Variants in PPP2R2B observed in about 807,000 individuals in gnomAD.
PPP2R2B encodes serine/threonine-protein phosphatase 2A 55 kDa regulatory subunit B beta isoform.
A neutral mutation model predicts 46.0 loss-of-function variants in PPP2R2B; 5 were observed. The ratio of observed to expected loss-of-function variants is 0.11; its 90% CI spans 0.06 to 0.23. The LOEUF is 0.23. Ranked by LOEUF, PPP2R2B falls within the 10% of genes least tolerant of loss-of-function variation. The pLI is 1.00. For synonymous variants in PPP2R2B, 215 were observed against 206.7 expected (o/e 1.04, Z -0.34); for missense variants, 367 against 575.0 (o/e 0.64, Z 3.70).
At chr5:146,971,941 C>A (rs1323517050) in intron 1 of PPP2R2B, among the ~76,000 whole-genome samples, 1 of 152,156 alleles carries the variant, frequency 6.6e-6, no homozygotes. Flanking sequence ...CAAAACTAAG[C>A]AACTAACATT....
At position 146,735,333 on chromosome 5, in the gene PPP2R2B, C is replaced by G. The variant is rs369124852; in HGVS notation, c.71-34191G>C. ...AGTCCCCTCCCACCAAAACCCCCCC[C>G]ACAATCCTTCTACTCTCTTCTCCCA... On this transcript the variant is annotated intron_variant, in intron 2 of 9. Coordinates refer to ENST00000394411, the MANE Select transcript of PPP2R2B (RefSeq NM_181675.4). Among the ~76,000 whole-genome samples the G allele has an allele frequency of 3.9e-5, 6 of 151,968 alleles. No individual in the cohort carries two copies. The East Asian group carries it at 5.8e-4, about 15-fold the overall frequency.
chr5:146,962,659 A>C (rs1198748657), intron 1 of PPP2R2B, among the ~76,000 whole-genome samples: 1 of 152,108 alleles, frequency 6.6e-6, no homozygotes, highest in Non-Finnish European at 1.5e-5. Context: ...ATAAAAAAAA[A>C]ACAACCTTAA....
At chr5:146,861,116 C>T (rs978180561) in intron 2 of PPP2R2B, among the ~76,000 whole-genome samples, 1 of 141,518 alleles carries the variant, frequency 7.1e-6, no homozygotes, top group Non-Finnish European at 1.5e-5. Flanking sequence ...AGTGCAGTGG[C>T]GCGATCTCGG....
intron 7 of PPP2R2B, among the ~76,000 whole-genome samples, chr5:146,634,784 C>CA (rs1561790769): frequency 5.3e-5 from 8 of 151,394 alleles, no homozygotes; most frequent in African/African-American, 1.5e-4. Flanking sequence ...ACACACACAC[C>CA]CCCTACTGGT....
chr5:146,771,224 A>G lies in PPP2R2B; in HGVS notation c.71-70082T>C, dbSNP rs1227438579. On this transcript the variant is annotated intron_variant, in intron 2 of 9. Transcript: ENST00000394411. ...CTCTCATCAGTGGCCAAGAAGACTG[A>G]ATGAGCAGTGAAATACCTCTTTGAT... Among the ~76,000 whole-genome samples the G allele has an allele frequency of 2.0e-5, 3 of 152,316 alleles. No individual in the cohort carries two copies. In the East Asian group the frequency reaches 5.8e-4, roughly 29 times the overall value.
chr5:146,774,152 T>A (rs956330004), intron 2 of PPP2R2B, among the ~76,000 whole-genome samples: 1 of 152,196 alleles, frequency 6.6e-6, no homozygotes, highest in East Asian at 1.9e-4. Flanking sequence ...ATGACTTAAC[T>A]GCTTTGTGTT....
chr5:146,752,303 G>GA (rs890233638), intron 2 of PPP2R2B, among the ~76,000 whole-genome samples: 12 of 151,876 alleles, frequency 7.9e-5, no homozygotes, highest in Admixed American at 2.6e-4. Flanking sequence ...TTATTGAGAT[G>GA]AAAAAAAGCA....
intron 5 of PPP2R2B, among the ~76,000 whole-genome samples, chr5:146,681,009 G>C (rs984983572): frequency 6.6e-6 from 1 of 152,080 alleles, no homozygotes; most frequent in Non-Finnish European, 1.5e-5. Flanking sequence ...ACTACCCCTA[G>C]GGAAATATTT....
At chr5:146,792,441 T>TG (rs1376192397) in intron 2 of PPP2R2B, among the ~76,000 whole-genome samples, 1 of 152,138 alleles carries the variant, frequency 6.6e-6, no homozygotes, top group East Asian at 1.9e-4. Flanking sequence ...CCTAGGATGT[T>TG]GGGGGTATAA....
intron 1 of PPP2R2B, among the ~76,000 whole-genome samples, chr5:146,921,621 A>C (rs1381310707): frequency 3.9e-5 from 6 of 152,238 alleles, no homozygotes; most frequent in Non-Finnish European, 8.8e-5. Context: ...CTGCATGTAA[A>C]ATACATATTG....
At chr5:146,620,458 C>A (rs911837392) in intron 7 of PPP2R2B, among the ~76,000 whole-genome samples, 2 of 152,162 alleles carry the variant, frequency 1.3e-5, no homozygotes, top group Non-Finnish European at 2.9e-5. Flanking sequence ...GCAGTCCAGA[C>A]AAGATGATGA....
At chr5:146,599,432 A>G (rs947020294) in intron 8 of PPP2R2B, among the ~76,000 whole-genome samples, 1 of 152,220 alleles carries the variant, frequency 6.6e-6, no homozygotes, top group Non-Finnish European at 1.5e-5. Flanking sequence ...CACAGTAAAA[A>G]GTAAAACTCA....
intron 5 of PPP2R2B, among the ~76,000 whole-genome samples, chr5:146,669,496 T>G (rs536273): frequency 6.6e-6 from 1 of 151,852 alleles, no homozygotes; most frequent in Admixed American, 6.6e-5. Context: ...TCCTATATAT[T>G]TATATGTATA....
chr5:146,745,038 A>C (rs1474987066), intron 2 of PPP2R2B, among the ~76,000 whole-genome samples: 1 of 152,124 alleles, frequency 6.6e-6, no homozygotes, highest in Non-Finnish European at 1.5e-5. Flanking sequence ...TAGATAATTG[A>C]CCAAAACCCT....
intron 2 of PPP2R2B, among the ~76,000 whole-genome samples, chr5:146,781,958 G>T (rs776107625): frequency 9.2e-5 from 14 of 152,186 alleles, no homozygotes; most frequent in Non-Finnish European, 1.0e-4. Context: ...GATCATGGGG[G>T]CAGTTTCTGT....
chr5:146,793,570 T>C (rs1436854154), intron 2 of PPP2R2B, among the ~76,000 whole-genome samples: 1 of 152,170 alleles, frequency 6.6e-6, no homozygotes, highest in East Asian at 1.9e-4. Flanking sequence ...GGCTCATGGA[T>C]ATTAAGATCA....
chr5:146,912,205 C>T (rs1394500027), intron 1 of PPP2R2B, among the ~76,000 whole-genome samples: 2 of 140,292 alleles, frequency 1.4e-5, no homozygotes, highest in Non-Finnish European at 3.0e-5. Context: ...CGCCACTGCA[C>T]TCCAGCCTGG....
chr5:146,684,012 A>G (rs370285199), intron 5 of PPP2R2B, among the ~76,000 whole-genome samples: 8 of 152,280 alleles, frequency 5.3e-5, no homozygotes, highest in Middle Eastern at 3.4e-3. Context: ...AATTACCCAT[A>G]CTAGAATGAC....
intron 5 of PPP2R2B, among the ~76,000 whole-genome samples, chr5:146,667,806 A>G (rs1259427380): frequency 6.6e-6 from 1 of 152,084 alleles, no homozygotes; most frequent in African/African-American, 2.4e-5. Flanking sequence ...CAATGACTTC[A>G]TCTGTTTACC....
Sources: gnomAD v4.1 joint callset for allele counts (sites outside exome capture counted in the v4.1 genomes callset) on GRCh38, gnomAD v4.1.1 for gene constraint, MANE v1.5 for transcripts, NCBI Gene and HGNC (gene_info 2026-07-23, HGNC 2026-07-21) for gene names.